The following ELAVL2 variants were observed in gnomAD, a reference collection of about 807,000 sequenced individuals.
The protein encoded by ELAVL2 is ELAV like RNA binding protein 2.
A neutral mutation model predicts 34.6 loss-of-function variants in ELAVL2; 4 were observed. The ratio of observed to expected loss-of-function variants is 0.12; its 90% CI spans 0.06 to 0.26. ELAVL2 has a LOEUF of 0.26. ELAVL2 is among the 10% of genes least tolerant of loss of function. The pLI is 1.00. For missense variants in ELAVL2, 432 were observed against 442.8 expected (o/e 0.98, Z 0.22); for synonymous variants, 193 against 154.8 (o/e 1.25, Z -1.83).
At chr9:23,714,028 T>C (rs1437821516) in intron 3 of ELAVL2, among the ~76,000 whole-genome samples, 1 of 152,188 alleles carries the variant, frequency 6.6e-6, no homozygotes, top group African/African-American at 2.4e-5. Flanking sequence ...AATAAAACTA[T>C]TAGCAAAGAG....
At chr9:23,746,820 GAAAA>G (rs58976853) in intron 2 of ELAVL2, among the ~76,000 whole-genome samples, 3 of 68,928 alleles carry the variant, frequency 4.4e-5, no homozygotes, top group Non-Finnish European at 9.5e-5. Flanking sequence ...AACTGAAAAA[GAAAA>G]AAAAAAAAAA....
At chr9:23,718,954 C>T (rs915074085) in intron 3 of ELAVL2, among the ~76,000 whole-genome samples, 2 of 152,212 alleles carry the variant, frequency 1.3e-5, no homozygotes, top group African/African-American at 2.4e-5. Flanking sequence ...TTACTGTATT[C>T]CCAAAACCCT....
Position 23,762,060 on chromosome 9 carries a change from A to C in ELAVL2, c.175T>G (p.Phe59Val), listed in dbSNP as rs2136019276. 6.2e-7 allele frequency: 1 copy of C among 1,613,406 alleles called. No homozygotes were observed. The highest frequency in any genetic ancestry group is 8.5e-7 in the Non-Finnish European group (1 of 1,179,544). The change falls in exon 2 of 7, where the codon TTT becomes GTT. Residue 59 changes from phenylalanine to valine, a missense_variant. By Grantham distance (50) the Phe-to-Val change is conservative. This residue lies in a region of ELAVL2 where 132 missense variants were observed against 118.3 expected (regional missense o/e 1.12). Coordinates refer to ENST00000397312, the MANE Select transcript of ELAVL2 (RefSeq NM_004432.5). ...GACTCTATTTCACCAATGCTCCCAA[A>C]GAGACTCTTTAGTTCCTCCTGTGTC... ...NMTQEELKSLFGSIGEIESCK... is the reference protein window; with the variant it reads ...NMTQEELKSLVGSIGEIESCK...
chr9:23,775,704 C>G (rs2058076866), intron 1 of ELAVL2, among the ~76,000 whole-genome samples: 1 of 152,210 alleles, frequency 6.6e-6, no homozygotes, highest in African/African-American at 2.4e-5. Flanking sequence ...GCTCCTACCT[C>G]TTCATCCACA....
At chr9:23,753,893 T>C (rs142324584) in intron 2 of ELAVL2, among the ~76,000 whole-genome samples, 1 of 152,192 alleles carries the variant, frequency 6.6e-6, no homozygotes, top group South Asian at 2.1e-4. Context: ...AATTTGAATA[T>C]GTTTACAAAG....
At chr9:23,734,741 T>A (rs2047401760) in intron 2 of ELAVL2, among the ~76,000 whole-genome samples, 1 of 152,134 alleles carries the variant, frequency 6.6e-6, no homozygotes, top group Non-Finnish European at 1.5e-5. Context: ...ATAAATTGCA[T>A]CTTATTTATA....
At chr9:23,702,486 A>T (rs986809505) in intron 4 of ELAVL2, among the ~76,000 whole-genome samples, 1 of 152,018 alleles carries the variant, frequency 6.6e-6, no homozygotes, top group African/African-American at 2.4e-5. Context: ...TGAACAGGCT[A>T]GTGGGGTGAC....
At chr9:23,768,318 CA>C (rs2056699082) in intron 1 of ELAVL2, among the ~76,000 whole-genome samples, 1 of 152,096 alleles carries the variant, frequency 6.6e-6, no homozygotes, top group Non-Finnish European at 1.5e-5. Flanking sequence ...CATCCAAACC[CA>C]CCCCATCTCC....
chr9:23,709,283 A>G (rs2040273130), intron 3 of ELAVL2, among the ~76,000 whole-genome samples: 2 of 152,202 alleles, frequency 1.3e-5, no homozygotes, highest in Non-Finnish European at 2.9e-5. Context: ...TCATCTAAAA[A>G]GATTATAAAT....
chr9:23,715,141 T>C (rs2041967148), intron 3 of ELAVL2, among the ~76,000 whole-genome samples: 3 of 152,192 alleles, frequency 2.0e-5, no homozygotes, highest in African/African-American at 7.2e-5. Context: ...GTTGAACGTA[T>C]ACATTCCATG....
intron 1 of ELAVL2, among the ~76,000 whole-genome samples, chr9:23,789,619 G>A (rs1045886240): frequency 2.0e-5 from 3 of 152,208 alleles, no homozygotes; most frequent in African/African-American, 7.2e-5. Flanking sequence ...TTTGTCTTAA[G>A]ATGATTTCCA....
chr9:23,714,278 G>C (rs566285144), intron 3 of ELAVL2, among the ~76,000 whole-genome samples: 1 of 152,182 alleles, frequency 6.6e-6, no homozygotes, highest in African/African-American at 2.4e-5. Flanking sequence ...AGATGACACA[G>C]AGGAGGAGAC....
chr9:23,759,790 A>ATATATATG (rs67618615), intron 2 of ELAVL2, among the ~76,000 whole-genome samples: 9 of 124,044 alleles, frequency 7.3e-5, no homozygotes, highest in African/African-American at 2.6e-4. Context: ...ATATATATAT[A>ATATATATG]ATGTATAGAA....
intron 3 of ELAVL2, among the ~76,000 whole-genome samples, chr9:23,708,223 C>G (rs545579119): frequency 6.6e-5 from 10 of 152,116 alleles, no homozygotes; most frequent in Non-Finnish European, 1.3e-4. Context: ...TATAAACTTA[C>G]GTCGGTAACA....
intron 4 of ELAVL2, among the ~76,000 whole-genome samples, chr9:23,704,312 G>T (rs1023704): frequency 0.41 from 62,063 of 151,952 alleles, 13,829 homozygotes; most frequent in African/African-American, 0.59. Flanking sequence ...CTATAGCTTT[G>T]TTAACTAAGA....
At chr9:23,808,549 A>G (rs550729246) in intron 1 of ELAVL2, among the ~76,000 whole-genome samples, 169 of 152,312 alleles carry the variant, frequency 1.1e-3, no homozygotes, top group African/African-American at 3.7e-3. Context: ...AGGACAATCA[A>G]AAAGAGCAAA....
At chr9:23,699,265 C>G (rs1014925310) in intron 5 of ELAVL2, among the ~76,000 whole-genome samples, 1 of 152,172 alleles carries the variant, frequency 6.6e-6, no homozygotes, top group African/African-American at 2.4e-5. Flanking sequence ...CCATCAACAA[C>G]CTAGCACCTG....
At position 23,691,661 on chromosome 9, in the gene ELAVL2, A is replaced by G. The variant is rs1470999838; in HGVS notation, c.*896T>C. On this transcript the variant is annotated 3_prime_UTR_variant, in exon 7 of 7. Transcript: ENST00000397312. ...AGGATGATCAGACGCTCCACTGGTG[A>G]TTACAAAAATGAAACCAGCAGTGTT... 1 of 152,546 alleles carries G rather than the reference A, an allele frequency of 6.6e-6. No homozygotes were observed. Among genetic ancestry groups the G allele is most frequent in the Admixed American group, 6.6e-5 (1 of 15,260 alleles). 9.4% of individuals were successfully genotyped at this position (152,546 alleles called of 1,614,324 possible). A position where few individuals can be genotyped will look rare whatever the true frequency, so the allele number is the denominator to read the frequency against.
At chr9:23,818,164 A>C (rs1436953143) in intron 1 of ELAVL2, among the ~76,000 whole-genome samples, 1 of 152,188 alleles carries the variant, frequency 6.6e-6, no homozygotes, top group African/African-American at 2.4e-5. Context: ...AAGCAAGAAA[A>C]AATTTTATGC....
Sources: gnomAD v4.1 joint callset for allele counts (sites outside exome capture counted in the v4.1 genomes callset) on GRCh38, gnomAD v4.1.1 for gene constraint, gnomAD v4.1.1 regional missense constraint, MANE v1.5 for transcripts, NCBI Gene and HGNC (gene_info 2026-07-23, HGNC 2026-07-21) for gene names.